GAS5: variants seen among roughly 807,000 people sequenced by gnomAD.
GAS5 encodes growth arrest specific 5.
intron 6 of GAS5, chr1:173,865,337 G>C (rs1654401743): frequency 2.0e-6 from 1 of 499,744 alleles, no homozygotes; most frequent in Admixed American, 2.1e-5. Context: ...ATTTCTAAAA[G>C]ATTTCCCAAC....
At chr1:173,866,801 A>G in intron 1 of GAS5, 3 of 765,246 alleles carry the variant, frequency 3.9e-6, no homozygotes, top group South Asian at 1.3e-5. Flanking sequence ...ACACAACTAG[A>G]AAACAAAAAG....
intron 6 of GAS5, chr1:173,865,075 T>C (rs1344964325): frequency 2.8e-6 from 1 of 352,366 alleles, no homozygotes; most frequent in Non-Finnish European, 5.5e-6. Context: ...GTCACATGCC[T>C]GTAATCCCAG....
chr1:173,867,661 G>A (rs1324576742), upstream of GAS5: 2 of 519,064 alleles, frequency 3.9e-6, no homozygotes, highest in East Asian at 1.1e-4. Flanking sequence ...TTACTCGGGT[G>A]ACTCGGCATG....
At chr1:173,866,224 A>T in intron 3 of GAS5, 4 of 485,190 alleles carry the variant, frequency 8.2e-6, no homozygotes, top group Non-Finnish European at 1.7e-5. Flanking sequence ...TTTAATACAA[A>T]ATTGTCAGCA....
At chr1:173,865,102 G>A in intron 6 of GAS5, 1 of 344,192 alleles carries the variant, frequency 2.9e-6, no homozygotes, top group Non-Finnish European at 5.7e-6. Context: ...AAGAGGCTGA[G>A]GCAGGAGAAT....
chr1:173,865,972 A>G (rs1234044571), intron 4 of GAS5: 2 of 518,788 alleles, frequency 3.9e-6, no homozygotes, highest in Admixed American at 1.9e-5. Flanking sequence ...GCCTTTAGTC[A>G]GTTAGAGCTA....
chr1:173,864,113 T>TACAG (rs1308247600), intron 7 of GAS5: 3 of 512,014 alleles, frequency 5.9e-6, no homozygotes, highest in South Asian at 4.2e-5. Flanking sequence ...TAGCCACATT[T>TACAG]ACAGACTTCA....
intron 5 of GAS5, chr1:173,865,609 G>T (rs762082420): frequency 1.9e-6 from 1 of 519,184 alleles, no homozygotes; most frequent in Non-Finnish European, 3.8e-6. Context: ...TTTCAAAGTT[G>T]TCTGTCACAG....
At chr1:173,867,260 T>C (rs1304623314), upstream of GAS5, 7 of 515,870 alleles carry the variant, frequency 1.4e-5, no homozygotes, top group Non-Finnish European at 2.4e-5. Flanking sequence ...GGCTCACGGC[T>C]TGTAATCCCA....
chr1:173,866,542 C>T, exon 3 of GAS5: 1 of 733,176 alleles, frequency 1.4e-6, no homozygotes, highest in Non-Finnish European at 2.5e-6. Context: ...GTGCCAATGG[C>T]TTGAGTTAGG....
At chr1:173,865,735 G>A (rs751160537) in intron 5 of GAS5, 5 of 519,162 alleles carry the variant, frequency 9.6e-6, no homozygotes, top group South Asian at 7.0e-5. Context: ...CACTGTTCCA[G>A]ACATGCTCAA....
intron 6 of GAS5, chr1:173,865,403 G>A: frequency 1.9e-6 from 1 of 516,170 alleles, no homozygotes; most frequent in Non-Finnish European, 3.9e-6. Flanking sequence ...ATTCCCATCT[G>A]CTTTAATTTT....
At chr1:173,864,975 T>A in intron 6 of GAS5, 1 of 506,300 alleles carries the variant, frequency 2.0e-6, no homozygotes, top group Admixed American at 2.0e-5. Flanking sequence ...TCCCAGCACT[T>A]TGGGAGGTCA....
At chr1:173,864,322 A>AT (rs1311786895) in intron 6 of GAS5, 1 of 516,244 alleles carries the variant, frequency 1.9e-6, no homozygotes, top group Non-Finnish European at 3.9e-6. Context: ...CGAAGCCAAC[A>AT]TATTAATCAG....
intron 6 of GAS5, chr1:173,865,104 CAGG>C (rs766827132): frequency 4.4e-5 from 15 of 342,386 alleles, no homozygotes; most frequent in Non-Finnish European, 4.5e-5. Flanking sequence ...GAGGCTGAGG[CAGG>C]AGAATTCCTT....
chr1:173,868,030 G>A (rs1655097271), upstream of GAS5: 1 of 183,654 alleles, frequency 5.4e-6, no homozygotes, highest in Non-Finnish European at 1.2e-5. Context: ...GAGTTCTTTT[G>A]ATGACGTCAC....
chr1:173,865,804 T>C, intron 5 of GAS5: 3 of 515,590 alleles, frequency 5.8e-6, no homozygotes, highest in South Asian at 1.4e-5. Flanking sequence ...GCAGTAAGCA[T>C]ATCACCATCA....
upstream of GAS5, chr1:173,867,972 G>A (rs139899225): frequency 4.0e-4 from 136 of 336,090 alleles, no homozygotes; most frequent in African/African-American, 2.6e-3. Context: ...CACAGGAGTC[G>A]ACTCCTACCT....
chr1:173,867,324 AGTCTCGCCAACATGGTGAAACCCC>A, upstream of GAS5: 1 of 429,842 alleles, frequency 2.3e-6, no homozygotes. Context: ...GTTCAAGACC[AGTCTCGCCAACATGGTGAAACCCC>A]GTCTCTACTA....
Sources: allele counts gnomAD v4.1 joint callset, GRCh38; gene constraint gnomAD v4.1.1; transcripts MANE v1.5; gene names NCBI Gene and HGNC (gene_info 2026-07-23, HGNC 2026-07-21).